CDC45: variants seen among roughly 807,000 people sequenced by gnomAD.
CDC45 encodes the protein cell division control protein 45 homolog.
A neutral mutation model predicts 77.8 loss-of-function variants in CDC45; 54 were observed. The ratio of observed to expected loss-of-function variants is 0.69; its 90% confidence interval spans 0.56 to 0.87. CDC45 has a LOEUF of 0.87. Ranked by LOEUF, CDC45 falls within the 40% of genes least tolerant of loss-of-function variation. CDC45 has a pLI of 0.00. For missense variants in CDC45, 649 were observed against 721.6 expected, an observed-to-expected ratio of 0.90 and a Z score of 1.15; for synonymous variants, 260 against 272.1, an observed-to-expected ratio of 0.96 and a Z score of 0.44.
At chr22:19,493,239 G>GTTGTTTTGTTTTGTTTTGTTTTGTT (rs60107800) in intron 5 of CDC45, among the ~76,000 whole-genome samples, 9 of 146,798 alleles carry the variant, frequency 6.1e-5, no homozygotes, top group Non-Finnish European at 1.2e-4. Context: ...TTTTTTTTTT[G>GTTGTTTTGTTTTGTTTTGTTTTGTT]TTGTTTTGTT....
chr22:19,493,557 C>T (rs1465003380), intron 5 of CDC45, among the ~76,000 whole-genome samples: 1 of 152,122 alleles, frequency 6.6e-6, no homozygotes, highest in Non-Finnish European at 1.5e-5. Context: ...CAGTTTTCCT[C>T]CTCAGCCTCC....
At chr22:19,492,876 C>T (rs1223922887) in intron 5 of CDC45, among the ~76,000 whole-genome samples, 1 of 152,082 alleles carries the variant, frequency 6.6e-6, no homozygotes, top group Non-Finnish European at 1.5e-5. Context: ...TCTTACCCTC[C>T]TAGCAGGGAG....
chr22:19,483,104 C>T (rs991704559), intron 4 of CDC45, among the ~76,000 whole-genome samples: 16 of 152,100 alleles, frequency 1.1e-4, no homozygotes, highest in Non-Finnish European at 2.2e-4. Context: ...GCACATGCCA[C>T]CACGCCCAGC....
intron 17 of CDC45, among the ~76,000 whole-genome samples, chr22:19,518,150 G>C (rs973009396): frequency 3.3e-5 from 5 of 152,226 alleles, no homozygotes; most frequent in African/African-American, 1.2e-4. Flanking sequence ...CTGGCCTGCA[G>C]AATATCTGGC....
chr22:19,479,937 G>C lies in CDC45; in HGVS notation c.-32G>C. The C allele has an allele frequency of 6.2e-7, 1 of 1,612,028 alleles. No homozygotes were observed. Among genetic ancestry groups the C allele is most frequent in the Non-Finnish European group, 8.5e-7 (1 of 1,179,862 alleles). On this transcript the variant is annotated 5_prime_UTR_variant, in exon 1 of 19. Transcript: ENST00000263201. ...CCGCCGCCGGGCTCTTGGTACCTCA[G>C]CGCGAGCGCCAGGCGTCCGGCCGCC... is the stretch of plus-strand genomic sequence containing the variant.
intron 5 of CDC45, among the ~76,000 whole-genome samples, chr22:19,489,665 T>C (rs1460583604): frequency 6.6e-6 from 1 of 152,222 alleles, no homozygotes; most frequent in African/African-American, 2.4e-5. Context: ...CAAACAATAT[T>C]TATTATTTCT....
At chr22:19,513,533 C>G (rs1047010142) in intron 13 of CDC45, among the ~76,000 whole-genome samples, 1 of 152,100 alleles carries the variant, frequency 6.6e-6, no homozygotes, top group Admixed American at 6.6e-5. Flanking sequence ...GCTGGAGAGT[C>G]TGGGGTTCTG....
chr22:19,480,272 C>G, intron 2 of CDC45, 55 bp downstream of exon 2: 1 of 1,518,890 alleles, frequency 6.6e-7, no homozygotes, highest in Non-Finnish European at 9.1e-7. Context: ...GAGGGTGCTG[C>G]GTGGGGGCGC....
At chr22:19,483,252 G>A (rs2090012899) in intron 4 of CDC45, among the ~76,000 whole-genome samples, 1 of 152,160 alleles carries the variant, frequency 6.6e-6, no homozygotes, top group Admixed American at 6.5e-5. Context: ...CTAACATGGT[G>A]AAACCCCGTC....
Position 19,514,639 on chromosome 22 carries a change from C to T in CDC45, c.1218-110C>T, listed in dbSNP as rs1449383628. On this transcript the variant is annotated intron_variant, in intron 13 of 18. Coordinates refer to ENST00000263201, the MANE Select transcript of CDC45 (RefSeq NM_003504.5). Reference sequence around the variant, plus strand: ...AGGAGGGAAAGAAGATAAATTCTTACCCCCAAACCTCTTCCTGAACCAGGA... The same window carrying T: ...AGGAGGGAAAGAAGATAAATTCTTATCCCCAAACCTCTTCCTGAACCAGGA... 7.0e-6 allele frequency: 6 copies of T among 856,886 alleles called. No homozygotes were observed. In the South Asian group the frequency reaches 8.8e-5, roughly 13 times the overall value. The allele number at this position is 856,886 out of a possible 1,614,324, so 53.1% of individuals were successfully genotyped here.
chr22:19,487,442 C>T (rs2090088392), intron 5 of CDC45, among the ~76,000 whole-genome samples: 1 of 150,054 alleles, frequency 6.7e-6, no homozygotes, highest in African/African-American at 2.5e-5. Context: ...GGGAGGATGC[C>T]TTGAGACCAG....
rs13447228 is a variant in CDC45 at position 19,498,970 on chromosome 22, G to A, written c.654-131G>A. The A allele has an allele frequency of 9.5e-3, 9,267 of 972,136 alleles. 72 individuals carry two copies. The highest frequency in any genetic ancestry group is 0.047 in the Middle Eastern group (169 of 3,572). 60.2% of individuals were successfully genotyped at this position (972,136 alleles called of 1,614,324 possible). On this transcript the variant is annotated intron_variant, in intron 8 of 18. Transcript: ENST00000263201. ...GGCCACCTGACTGAGGCAAGCCAGG[G>A]TCTGGCCCCACTGGCAGGACATTCC...
chr22:19,501,302 A>G (rs1179653633), intron 9 of CDC45, among the ~76,000 whole-genome samples: 4 of 152,214 alleles, frequency 2.6e-5, no homozygotes, highest in Non-Finnish European at 5.9e-5. Flanking sequence ...AGACAAGCCC[A>G]AGTGGCCACT....
chr22:19,505,441 A>T lies in CDC45; in HGVS notation c.784A>T (p.Thr262Ser). 6.2e-7 allele frequency: 1 copy of T among 1,614,058 alleles called. No individual in the cohort carries two copies. The highest frequency in any genetic ancestry group is 2.2e-5 in the East Asian group (1 of 44,884). ...HNHRNEDEEN[T>S]LSVDCTRISF... ...CCACCGGAACGAGGATGAGGAGAAC[A>T]CACTCTCCGTGGACTGCACACGGAT... Residue 262 changes from threonine (T) to serine (S), a missense_variant, in exon 10 of 19, where the codon ACA becomes TCA. Transcript: ENST00000263201.
At chr22:19,505,538 G>A (rs996467661) in intron 10 of CDC45, 57 bp downstream of exon 10, 2 of 1,599,320 alleles carry the variant, frequency 1.3e-6, no homozygotes, top group African/African-American at 2.7e-5. Flanking sequence ...AGCAGGCCTT[G>A]TTTGCTTTGT....
rs754454198 is a variant in CDC45, at chr22:19,483,883, G to A, written c.364G>A (p.Asp122Asn). The A allele has an allele frequency of 2.5e-6, 4 of 1,612,282 alleles. No homozygotes were observed. Among genetic ancestry groups the A allele is most frequent in the Non-Finnish European group, 3.4e-6 (4 of 1,179,556 alleles). ...DTQIKLLIKQ[D>N]DDLEVPAYED... ...TTAGATCAAATTACTCATTAAACAA[G>A]ATGATGACCTTGAAGTTCCCGCCTA... The change falls in exon 5 of 19, where the codon GAT (aspartate) becomes AAT (asparagine). Residue 122 changes from aspartate to asparagine, a missense_variant. Coordinates refer to ENST00000263201, the MANE Select transcript of CDC45 (RefSeq NM_003504.5).
At chr22:19,484,452 A>G (rs1298492257) in intron 5 of CDC45, among the ~76,000 whole-genome samples, 2 of 152,208 alleles carry the variant, frequency 1.3e-5, no homozygotes, top group Admixed American at 1.3e-4. Flanking sequence ...TGAAGATACC[A>G]GTGGTTTTCA....
Position 19,482,792 on chromosome 22 carries a change from C to CGT in CDC45, c.307_308insGT (p.Pro103ArgfsTer59). The CGT allele has an allele frequency of 1.9e-6, 3 of 1,613,780 alleles. No individual in the cohort carries two copies. The highest frequency in any genetic ancestry group is 1.7e-6 in the Non-Finnish European group (2 of 1,179,656). ...ATTCTTTGTGTGTGACACCCATAGG[C>CGT]CAGTCAATGTCGTCAATGTATACAA... On this transcript the variant is annotated frameshift_variant, in exon 4 of 19. Coordinates refer to ENST00000263201, the MANE Select transcript of CDC45 (RefSeq NM_003504.5). LOFTEE classifies it high-confidence loss of function.
chr22:19,493,228 T>G (rs1419442450), intron 5 of CDC45, among the ~76,000 whole-genome samples: 6 of 76,496 alleles, frequency 7.8e-5, no homozygotes, highest in African/African-American at 2.0e-4. Context: ...CTTTTGTGGG[T>G]TTTTTTTTTT....
Sources: gnomAD v4.1 joint callset for allele counts (sites outside exome capture counted in the v4.1 genomes callset) on GRCh38, gnomAD v4.1.1 for gene constraint, MANE v1.5 for transcripts, NCBI Gene and HGNC (gene_info 2026-07-23, HGNC 2026-07-21) for gene names.